Variants in ANO1 observed in about 807,000 individuals in gnomAD.
ANO1 encodes anoctamin 1, also known as anoctamin-1.
A neutral mutation model predicts 124.0 loss-of-function variants in ANO1; 59 were observed. The observed-to-expected ratio is 0.48, with a 90% CI of 0.39 to 0.59. ANO1 has a LOEUF of 0.59. Ranked by LOEUF, ANO1 falls within the 20% of genes least tolerant of loss-of-function variation. ANO1 has a pLI of 0.00. For missense variants in ANO1, 1,059 were observed against 1,328.0 expected, an observed-to-expected ratio of 0.80 and a Z score of 3.15; for synonymous variants, 529 against 532.0, an observed-to-expected ratio of 0.99 and a Z score of 0.08.
intron 11 of ANO1, among the ~76,000 whole-genome samples, chr11:70,139,281 C>T (rs1332402300): frequency 2.0e-5 from 3 of 152,252 alleles, no homozygotes; most frequent in East Asian, 1.9e-4. Flanking sequence ...CTCAGCCTCC[C>T]GAGTAGCTGG....
At chr11:70,078,062 G>A (rs1480103053), upstream of ANO1, among the ~76,000 whole-genome samples, 1 of 152,222 alleles carries the variant, frequency 6.6e-6, no homozygotes, top group Non-Finnish European at 1.5e-5. Flanking sequence ...CGCCACAGAA[G>A]CGCCTGCCAC....
chr11:70,186,034 C>T (rs1425569174), intron 25 of ANO1, among the ~76,000 whole-genome samples: 1 of 152,130 alleles, frequency 6.6e-6, no homozygotes. Context: ...ACCTGTAATC[C>T]CAGCACTTTG....
Position 70,170,924 on chromosome 11 carries a change from C to A in ANO1, c.2235C>A (p.Ser745=). ...GCTTCGTCACCCTGTTTGTCGCCTC[C>A]TTCCCCCTGGCCCCACTGTTTGCGC... ...QFGFVTLFVA[S]FPLAPLFALL... Residue 745 remains serine, a synonymous_variant, in exon 22 of 26, where the codon TCC becomes TCA. Transcript: ENST00000355303. 2 of 1,613,536 alleles carry A rather than the reference C, an allele frequency of 1.2e-6. No homozygotes were observed. The highest frequency in any genetic ancestry group is 1.7e-6 in the Non-Finnish European group (2 of 1,179,742).
At chr11:70,006,494 C>T (rs1856485710) in intron 1 of ANO1, among the ~76,000 whole-genome samples, 1 of 152,042 alleles carries the variant, frequency 6.6e-6, no homozygotes, top group African/African-American at 2.4e-5. Context: ...ACACACAGAC[C>T]CTGGCCTACA....
upstream of ANO1, among the ~76,000 whole-genome samples, chr11:70,074,177 G>A (rs1291892980): frequency 2.6e-5 from 4 of 152,138 alleles, no homozygotes; most frequent in Non-Finnish European, 5.9e-5. Flanking sequence ...GGTGGCCATT[G>A]GCGCTCACAA....
upstream of ANO1, among the ~76,000 whole-genome samples, chr11:69,981,735 C>A (rs546163570): frequency 1.3e-5 from 2 of 152,360 alleles, no homozygotes; most frequent in African/African-American, 2.4e-5. Context: ...CCCCTGCAGG[C>A]GCCTTTGTGG....
At chr11:69,998,863 GCTTGAA>G (rs1178383639) in intron 1 of ANO1, among the ~76,000 whole-genome samples, 3 of 151,996 alleles carry the variant, frequency 2.0e-5, no homozygotes, top group Admixed American at 6.6e-5. Context: ...CAGGAGACTC[GCTTGAA>G]CCCAGGAGGT....
chr11:70,116,652 C>T (rs1219149972), intron 8 of ANO1, 153 bp downstream of exon 8: 4 of 648,504 alleles, frequency 6.2e-6, no homozygotes, highest in African/African-American at 3.7e-5. Flanking sequence ...TGTCCCCTCT[C>T]ACCTTTTCAG....
chr11:70,082,410 A>G (rs1305443233), intron 1 of ANO1, among the ~76,000 whole-genome samples: 6 of 152,184 alleles, frequency 3.9e-5, no homozygotes, highest in Non-Finnish European at 8.8e-5. Context: ...AATTATGAAC[A>G]TTAACCAGGC....
Position 70,088,023 on chromosome 11 carries a change from G to A in ANO1, c.380G>A (p.Arg127His), listed in dbSNP as rs370908183. The stretch of plus-strand genomic sequence containing the variant: ...TACCACGAGGATGACAAGCGCTTCC[G>A]CAGGGAGGAGTACGAGGGCAACCTC... ...MDYHEDDKRFRREEYEGNLLE... is the reference protein window; with the variant it reads ...MDYHEDDKRFHREEYEGNLLE... Residue 127 changes from arginine (R) to histidine (H), a missense_variant, in exon 2 of 26, where the codon CGC (arginine) becomes CAC (histidine). Around this residue, in one of 2 missense-constraint regions of ANO1, gnomAD observed 250 missense variants for 233.1 expected, o/e 1.07. Coordinates refer to ENST00000355303, the MANE Select transcript of ANO1 (RefSeq NM_018043.7). 9.6e-5 allele frequency: 146 copies of A among 1,520,212 alleles called. 1 individual carries two copies. The highest frequency in any genetic ancestry group is 1.1e-4 in the Non-Finnish European group (128 of 1,132,942). The allele number at this position is 1,520,212 out of a possible 1,614,324, so 94.2% of individuals were successfully genotyped here.
At position 70,078,474 on chromosome 11, in the gene ANO1, C is replaced by T. The variant is rs2044096558; in HGVS notation, c.-133C>T. On this transcript the variant is annotated 5_prime_UTR_variant, in exon 1 of 26. Transcript: ENST00000355303. ...GAGCGGGAGGCGGCCACGTCCCCGG[C>T]GGGCCTGGGCGCGGGGAGGCCCGGC... The T allele has an allele frequency of 8.5e-6, 2 of 234,392 alleles. No homozygotes were observed. The highest frequency in any genetic ancestry group is 1.4e-5 in the Non-Finnish European group (2 of 143,422). The allele number at this position is 234,392 out of a possible 1,614,324, so 14.5% of individuals were successfully genotyped here. A position where few individuals can be genotyped will look rare whatever the true frequency, so the allele number is the denominator to read the frequency against.
At chr11:70,097,044 A>C (rs2045010171) in intron 2 of ANO1, among the ~76,000 whole-genome samples, 1 of 152,072 alleles carries the variant, frequency 6.6e-6, no homozygotes, top group Non-Finnish European at 1.5e-5. Context: ...ATTCTTTACT[A>C]TGTATCCTGG....
At chr11:70,042,092 G>A (rs576441154) in intron 1 of ANO1, among the ~76,000 whole-genome samples, 11 of 152,106 alleles carry the variant, frequency 7.2e-5, no homozygotes, top group South Asian at 4.2e-4. Flanking sequence ...CTCGATGGTC[G>A]TAAGAACACA....
intron 2 of ANO1, among the ~76,000 whole-genome samples, chr11:70,093,846 G>A (rs1565191578): frequency 1.3e-5 from 2 of 152,384 alleles, no homozygotes; most frequent in African/African-American, 4.8e-5. Flanking sequence ...CATAGGTGGT[G>A]GAGACGCAAC....
At chr11:70,022,062 T>A (rs1856820807) in intron 1 of ANO1, among the ~76,000 whole-genome samples, 1 of 152,152 alleles carries the variant, frequency 6.6e-6, no homozygotes, top group Non-Finnish European at 1.5e-5. Flanking sequence ...CTTGCTCCAC[T>A]TCCTGCCGCT....
At chr11:70,032,092 A>G (rs1444705831) in intron 1 of ANO1, among the ~76,000 whole-genome samples, 1 of 152,210 alleles carries the variant, frequency 6.6e-6, no homozygotes, top group Non-Finnish European at 1.5e-5. Flanking sequence ...CTTGCAGTCC[A>G]GGGAGGAAGG....
At chr11:70,023,324 A>G (rs528900936) in intron 1 of ANO1, among the ~76,000 whole-genome samples, 139 of 152,308 alleles carry the variant, frequency 9.1e-4, no homozygotes, top group African/African-American at 3.2e-3. Context: ...ATGGCCATGT[A>G]TAAGTCAGAC....
chr11:70,130,708 C>T (rs574682488), intron 10 of ANO1, among the ~76,000 whole-genome samples: 2 of 152,366 alleles, frequency 1.3e-5, no homozygotes, highest in South Asian at 4.1e-4. Context: ...GATCTGGCCC[C>T]AGGCTCACCT....
rs934169715 is a variant in ANO1, at chr11:70,082,636, T to C, written c.108+3922T>C. On this transcript the variant is annotated intron_variant, in intron 1 of 25. Coordinates refer to ENST00000355303, the MANE Select transcript of ANO1 (RefSeq NM_018043.7). Reference sequence around the variant, plus strand: ...GGGTTGCTTGCCCCTTTCTTAAGAATACAGAAACAGAAATGTTCTGAAGCT... The same window carrying C: ...GGGTTGCTTGCCCCTTTCTTAAGAACACAGAAACAGAAATGTTCTGAAGCT... 7.9e-5 allele frequency among the ~76,000 whole-genome samples: 12 copies of C among 152,324 alleles called. No individual in the cohort carries two copies. In the Middle Eastern group the frequency reaches 0.014, roughly 173 times the overall value.
Sources: allele counts gnomAD v4.1 joint callset (sites outside exome capture counted in the v4.1 genomes callset), GRCh38; gene constraint gnomAD v4.1.1; regional missense constraint gnomAD v4.1.1; transcripts MANE v1.5; gene names NCBI Gene and HGNC (gene_info 2026-07-23, HGNC 2026-07-21).